Variants in CHL1 observed in about 807,000 individuals in gnomAD.
CHL1 encodes cell adhesion molecule L1 like.
In CHL1, 96 loss-of-function variants were observed where a neutral mutation model predicts 141.9. That is an observed-to-expected ratio of 0.68 (90% CI 0.57 to 0.80). The LOEUF is 0.80. CHL1 is among the 30% of genes least tolerant of loss of function. The probability of loss-of-function intolerance (pLI) is 0.00; values close to 1 mark genes in which losing one functional copy is unlikely to be tolerated. For missense variants in CHL1, 1,820 were observed against 1,457.2 expected, an observed-to-expected ratio of 1.25 and a Z score of -4.05; for synonymous variants, 613 against 502.2, an observed-to-expected ratio of 1.22 and a Z score of -2.95.
intron 2 of CHL1, among the ~76,000 whole-genome samples, chr3:268,153 A>T (rs1258188534): frequency 6.6e-6 from 1 of 152,242 alleles, no homozygotes; most frequent in Non-Finnish European, 1.5e-5. Context: ...AAAACTCTGT[A>T]GTATATTTAC....
At chr3:335,618 G>C (rs925689044) in intron 5 of CHL1, among the ~76,000 whole-genome samples, 2 of 152,200 alleles carry the variant, frequency 1.3e-5, no homozygotes, top group Admixed American at 6.5e-5. Context: ...TAAACGGAGT[G>C]CCAAGTCAAA....
intron 2 of CHL1, among the ~76,000 whole-genome samples, chr3:313,521 C>T (rs956768219): frequency 2.0e-5 from 3 of 151,728 alleles, no homozygotes; most frequent in Non-Finnish European, 4.4e-5. Flanking sequence ...ACCATAGTGC[C>T]AAAGGTTTTG....
intron 2 of CHL1, among the ~76,000 whole-genome samples, chr3:270,393 T>C (rs1217192122): frequency 6.6e-6 from 1 of 152,188 alleles, no homozygotes; most frequent in Non-Finnish European, 1.5e-5. Context: ...ATATTATTTC[T>C]AACCAATCAT....
chr3:361,125 A>G (rs1352016963), intron 12 of CHL1, among the ~76,000 whole-genome samples: 3 of 151,952 alleles, frequency 2.0e-5, no homozygotes, highest in Non-Finnish European at 4.4e-5. Context: ...TGGGGAAAGG[A>G]ATCCCTATTT....
rs752562944 is a variant in CHL1 at position 344,727 on chromosome 3, C to T, written c.848+18C>T. 15 of 1,612,026 alleles carry T rather than the reference C, an allele frequency of 9.3e-6. No homozygotes were observed. The East Asian group carries it at 3.1e-4, about 34-fold the overall frequency. Reference sequence around the variant, plus strand: ...GAAGGCTTGTGAGTAACCTGACTCTCACTCATGACTTTGTCCATCCAGTTC... The same window carrying T: ...GAAGGCTTGTGAGTAACCTGACTCTTACTCATGACTTTGTCCATCCAGTTC... On this transcript the variant is annotated intron_variant, in intron 9 of 27. Coordinates refer to ENST00000256509, the MANE Select transcript of CHL1 (RefSeq NM_006614.4).
At chr3:344,780 A>G (rs889451463) in intron 9 of CHL1, 71 bp downstream of exon 9, 21 of 1,386,390 alleles carry the variant, frequency 1.5e-5, no homozygotes, top group Non-Finnish European at 2.1e-5. Flanking sequence ...CAAGCACATT[A>G]AGACTGTGCT....
intron 2 of CHL1, among the ~76,000 whole-genome samples, chr3:288,031 G>C (rs1017389543): frequency 6.6e-6 from 1 of 152,206 alleles, no homozygotes; most frequent in African/African-American, 2.4e-5. Context: ...GCCTCCCAAA[G>C]TGCTGGGATT....
intron 1 of CHL1, among the ~76,000 whole-genome samples, chr3:240,429 C>T (rs1692444837): frequency 6.6e-6 from 1 of 152,054 alleles, no homozygotes; most frequent in South Asian, 2.1e-4. Flanking sequence ...GTCCTTAGCC[C>T]ACTTTATGAT....
At chr3:257,098 C>T (rs1342011664) in intron 2 of CHL1, among the ~76,000 whole-genome samples, 1 of 152,038 alleles carries the variant, frequency 6.6e-6, no homozygotes, top group East Asian at 1.9e-4. Context: ...CATGTCACCT[C>T]AAATATGGAG....
At chr3:341,020 T>C in intron 6 of CHL1, 104 bp downstream of exon 6, 1 of 1,252,126 alleles carries the variant, frequency 8.0e-7, no homozygotes. Flanking sequence ...AAAGATCTCT[T>C]AATTTTTTCA....
chr3:401,080 T>G (rs1002188685), intron 26 of CHL1, among the ~76,000 whole-genome samples: 1 of 151,936 alleles, frequency 6.6e-6, no homozygotes, highest in African/African-American at 2.4e-5. Flanking sequence ...TTCTGTGTTT[T>G]TAATAGAGAC....
intron 26 of CHL1, among the ~76,000 whole-genome samples, chr3:401,344 A>G (rs1466960615): frequency 1.3e-5 from 2 of 152,242 alleles, no homozygotes; most frequent in Admixed American, 6.5e-5. Flanking sequence ...GGCTCTTCCA[A>G]TAAGACTTCT....
chr3:303,258 A>G lies in CHL1; in HGVS notation c.-94-16425A>G, dbSNP rs145277047. ...TTGGTTCCATATGAAGTTTAAAGTA[A>G]TTTTTTTCCAATTCTGTGAAGAAAG... On this transcript the variant is annotated intron_variant, in intron 2 of 27. Transcript: ENST00000256509. 6.6e-4 allele frequency among the ~76,000 whole-genome samples: 100 copies of G among 151,998 alleles called. 1 individual carries two copies. The East Asian group carries it at 0.019, about 28-fold the overall frequency.
At chr3:364,157 C>CT (rs1237778727) in intron 14 of CHL1, 1 of 152,084 alleles carries the variant, frequency 6.6e-6, no homozygotes, top group Non-Finnish European at 1.5e-5. Flanking sequence ...TTCCTTCCTT[C>CT]TTTTTTCATC....
intron 20 of CHL1, 37 bp downstream of exon 20, chr3:389,511 A>T (rs775860885): frequency 6.7e-7 from 1 of 1,485,418 alleles, no homozygotes; most frequent in East Asian, 2.3e-5. Flanking sequence ...GCACGTCAGT[A>T]ACTGTTGCTT....
rs1709612738 is a variant in CHL1 at position 407,645 on chromosome 3, T to A, written c.*1934T>A. On this transcript the variant is annotated 3_prime_UTR_variant, in exon 28 of 28. Coordinates refer to ENST00000256509, the MANE Select transcript of CHL1 (RefSeq NM_006614.4). Reference sequence around the variant, plus strand: ...TGGGAGAAAACTGTGGTGCACAGCTTGTGAGGAGGGCAAGGTTGTGACGTT... The same window carrying A: ...TGGGAGAAAACTGTGGTGCACAGCTAGTGAGGAGGGCAAGGTTGTGACGTT... The A allele has an allele frequency of 6.6e-6, 1 of 152,102 alleles. No individual in the cohort carries two copies. Among genetic ancestry groups the A allele is most frequent in the Non-Finnish European group, 1.5e-5 (1 of 68,006 alleles). 9.4% of individuals were successfully genotyped at this position (152,102 alleles called of 1,614,324 possible). A position where few individuals can be genotyped will look rare whatever the true frequency, so the allele number is the denominator to read the frequency against.
intron 3 of CHL1, among the ~76,000 whole-genome samples, 161 bp downstream of exon 3, chr3:320,028 G>C (rs900882687): frequency 1.3e-5 from 2 of 151,884 alleles, no homozygotes; most frequent in Admixed American, 6.6e-5. Flanking sequence ...TTCGTTTTGT[G>C]GGTGGCTGAT....
intron 19 of CHL1, 113 bp downstream of exon 19, chr3:383,999 G>A: frequency 6.2e-6 from 4 of 643,906 alleles, no homozygotes; most frequent in Non-Finnish European, 1.1e-5. Context: ...GATAAGATTT[G>A]GAAATGAAAT....
chr3:373,867 G>A (rs938937014), intron 15 of CHL1: 9 of 152,356 alleles, frequency 5.9e-5, no homozygotes, highest in African/African-American at 1.9e-4. Context: ...GCGGCTCTCA[G>A]GTGGACCACT....
Sources: allele counts gnomAD v4.1 joint callset (sites outside exome capture counted in the v4.1 genomes callset), GRCh38; gene constraint gnomAD v4.1.1; transcripts MANE v1.5; gene names NCBI Gene and HGNC (gene_info 2026-07-23, HGNC 2026-07-21).